C5orf63: variants seen among roughly 807,000 people sequenced by gnomAD.
C5orf63 encodes the protein chromosome 5 open reading frame 63.
A neutral mutation model predicts 13.3 loss-of-function variants in C5orf63; 18 were observed. That is an observed-to-expected ratio of 1.36 (90% CI 0.94 to 2.01). The LOEUF (loss-of-function observed/expected upper bound fraction) is 2.01, where lower values mean the gene tolerates loss of function less well. Among genes scored for constraint, C5orf63 ranks in the 30% most tolerant of loss-of-function variants. C5orf63 has a pLI of 0.00. For missense variants in C5orf63, 118 were observed against 127.7 expected (o/e 0.92, Z 0.36); for synonymous variants, 38 against 44.7 (o/e 0.85, Z 0.60).
At chr5:127,046,829 A>G (rs6595747), downstream of C5orf63, 15,593 of 152,330 alleles carry the variant, frequency 0.1, 1,293 homozygotes, top group African/African-American at 0.23. Flanking sequence ...TGATGGGCAT[A>G]AGCAGGCTGC....
intron 2 of C5orf63, among the ~76,000 whole-genome samples, chr5:127,060,030 C>T (rs757063654): frequency 2.0e-5 from 3 of 151,960 alleles, no homozygotes; most frequent in African/African-American, 2.4e-5. Context: ...CCCAGCTACT[C>T]GGGAGGCTGA....
At chr5:127,054,827 A>T (rs1026812270) in intron 3 of C5orf63, among the ~76,000 whole-genome samples, 1 of 152,146 alleles carries the variant, frequency 6.6e-6, no homozygotes, top group African/African-American at 2.4e-5. Flanking sequence ...TATGTCCTGA[A>T]TGGTATTGCT....
At chr5:127,062,619 T>G (rs1754151040) in intron 2 of C5orf63, among the ~76,000 whole-genome samples, 1 of 152,156 alleles carries the variant, frequency 6.6e-6, no homozygotes, top group Non-Finnish European at 1.5e-5. Context: ...CTCTATAATA[T>G]TCTTCTTAGA....
intron 2 of C5orf63, among the ~76,000 whole-genome samples, chr5:127,064,626 C>T (rs1399752433): frequency 6.6e-6 from 1 of 152,210 alleles, no homozygotes; most frequent in Non-Finnish European, 1.5e-5. Context: ...GCAGCTTCTA[C>T]TTCCAGATTT....
rs1271822091 is a variant in C5orf63, at chr5:127,058,943, A to T, written c.53T>A (p.Leu18His). ...AGAGGCAGAGCAATTTCTCAAGAAG[A>T]GTCCAAAGGAGGATCTGGCAAGTTG... The part of the protein sequence containing the change: ...SMQLARSSFG[L>H]FLRNCSASKT... Residue 18 changes from leucine to histidine, a missense_variant, in exon 3 of 5, where the codon CTC becomes CAC. By Grantham distance (99) the Leu-to-His change is moderately conservative (BLOSUM62 -3). Transcript: ENST00000296662. 1.3e-6 allele frequency: 2 copies of T among 1,537,282 alleles called. No homozygotes were observed. Among genetic ancestry groups the T allele is most frequent in the East Asian group, 4.9e-5 (2 of 40,910 alleles).
At chr5:127,065,178 C>T (rs116677225) in intron 2 of C5orf63, among the ~76,000 whole-genome samples, 2,478 of 152,274 alleles carry the variant, frequency 0.016, 65 homozygotes, top group African/African-American at 0.057. Context: ...TCAGGCTTCA[C>T]AGTGATTAGT....
intron 2 of C5orf63, among the ~76,000 whole-genome samples, chr5:127,070,422 T>C (rs575448047): frequency 1.3e-5 from 2 of 152,294 alleles, no homozygotes; most frequent in African/African-American, 4.8e-5. Flanking sequence ...TTCATTTGTT[T>C]CCAGTTGTAA....
intron 3 of C5orf63, among the ~76,000 whole-genome samples, chr5:127,056,202 C>T (rs1434123894): frequency 2.0e-5 from 3 of 152,144 alleles, no homozygotes; most frequent in Non-Finnish European, 4.4e-5. Flanking sequence ...CATCCTATCC[C>T]TCAAGAATGG....
downstream of C5orf63, chr5:127,046,352 G>A (rs1217468012): frequency 6.6e-6 from 1 of 152,144 alleles, no homozygotes; most frequent in Non-Finnish European, 1.5e-5. Flanking sequence ...CATCACTACC[G>A]ACCCATCCAG....
rs949101591 is a variant in C5orf63 at position 127,058,973 on chromosome 5, C to T, written c.23G>A (p.Ser8Asn). Reference sequence around the variant, plus strand: ...AAAGGAGGATCTGGCAAGTTGCATGCTATTTCCTTGAAACCAGAGCATCTT... The same window carrying T: ...AAAGGAGGATCTGGCAAGTTGCATGTTATTTCCTTGAAACCAGAGCATCTT... Reference protein sequence around the residue: MLWFQGNSMQLARSSFGL... With the variant: MLWFQGNNMQLARSSFGL... The change falls in exon 3 of 5, where the codon AGC (serine) becomes AAC (asparagine). Residue 8 changes from serine (S) to asparagine (N), a missense_variant. Ser to Asn is a conservative substitution (Grantham distance 46). Coordinates refer to ENST00000296662, the MANE Select transcript of C5orf63 (RefSeq NM_001164478.2). 12 of 1,536,752 alleles carry T rather than the reference C, an allele frequency of 7.8e-6. No individual in the cohort carries two copies. The highest frequency in any genetic ancestry group is 1.4e-5 in the African/African-American group (1 of 73,020).
intron 3 of C5orf63, among the ~76,000 whole-genome samples, chr5:127,053,598 G>A (rs542910920): frequency 1.6e-4 from 24 of 151,922 alleles, no homozygotes; most frequent in Non-Finnish European, 3.4e-4. Context: ...CGCACCCCAC[G>A]ACAGGCCCCG....
Position 127,070,347 on chromosome 5 carries a change from A to C in C5orf63, c.-8+1237T>G, listed in dbSNP as rs538406394. On this transcript the variant is annotated intron_variant, in intron 2 of 4. Transcript: ENST00000296662. ...TTCAACGTCATGTCCTTCCCTCCTGACTAAAAATCATTTCCCCATTATTTC... is the reference window on the plus strand; with the variant it reads ...TTCAACGTCATGTCCTTCCCTCCTGCCTAAAAATCATTTCCCCATTATTTC... Among the ~76,000 whole-genome samples, 6 of 152,342 alleles carry C rather than the reference A, an allele frequency of 3.9e-5. No individual in the cohort carries two copies. In the South Asian group the frequency reaches 1.0e-3, roughly 26 times the overall value.
Position 127,051,624 on chromosome 5 carries a change from A to G in C5orf63, c.*147T>C. 1 of 1,287,040 alleles carries G rather than the reference A, an allele frequency of 7.8e-7. No homozygotes were observed. The allele number at this position is 1,287,040 out of a possible 1,614,324, so 79.7% of individuals were successfully genotyped here. A position where few individuals can be genotyped will look rare whatever the true frequency, so the allele number is the denominator to read the frequency against. Reference sequence around the variant, plus strand: ...CACACTGATACTTCCATCAACCAAAAGGGGAATGTCAACATTTATTTGGCA... The same window carrying G: ...CACACTGATACTTCCATCAACCAAAGGGGGAATGTCAACATTTATTTGGCA... On this transcript the variant is annotated 3_prime_UTR_variant, in exon 5 of 5. Coordinates refer to ENST00000296662, the MANE Select transcript of C5orf63 (RefSeq NM_001164478.2).
At chr5:127,072,523 T>G (rs1580538138) in intron 1 of C5orf63, among the ~76,000 whole-genome samples, 1 of 152,166 alleles carries the variant, frequency 6.6e-6, no homozygotes, top group South Asian at 2.1e-4. Flanking sequence ...AACAAGACAA[T>G]GTATACTAAT....
chr5:127,057,629 G>C (rs192275589), intron 3 of C5orf63, among the ~76,000 whole-genome samples: 1 of 152,290 alleles, frequency 6.6e-6, no homozygotes, highest in East Asian at 1.9e-4. Context: ...GTCAATACTT[G>C]AAGCGCTTTT....
At chr5:127,053,741 T>C (rs528316558) in intron 3 of C5orf63, among the ~76,000 whole-genome samples, 4 of 152,334 alleles carry the variant, frequency 2.6e-5, no homozygotes, top group East Asian at 1.9e-4. Flanking sequence ...GCTTCATCCA[T>C]GTACCTACAA....
At chr5:127,066,128 G>T (rs1754320518) in intron 2 of C5orf63, among the ~76,000 whole-genome samples, 1 of 152,122 alleles carries the variant, frequency 6.6e-6, no homozygotes, top group African/African-American at 2.4e-5. Flanking sequence ...TTTATTGAAA[G>T]AAACAGAAAA....
At chr5:127,069,497 C>T (rs1754454735) in intron 2 of C5orf63, among the ~76,000 whole-genome samples, 1 of 152,220 alleles carries the variant, frequency 6.6e-6, no homozygotes, top group Non-Finnish European at 1.5e-5. Flanking sequence ...TAAAATTCCA[C>T]CCACTTTCAA....
At chr5:127,062,210 A>C (rs1754136100) in intron 2 of C5orf63, among the ~76,000 whole-genome samples, 1 of 152,224 alleles carries the variant, frequency 6.6e-6, no homozygotes, top group African/African-American at 2.4e-5. Flanking sequence ...GATTTGCTGG[A>C]GGATTTGTTC....
Sources: allele counts gnomAD v4.1 joint callset (sites outside exome capture counted in the v4.1 genomes callset), GRCh38; gene constraint gnomAD v4.1.1; transcripts MANE v1.5; gene names NCBI Gene and HGNC (gene_info 2026-07-23, HGNC 2026-07-21).